The following RTN4IP1 variants were observed in gnomAD, a reference collection of about 807,000 sequenced individuals.
RTN4IP1 encodes NAD(P)H oxidoreductase RTN4IP1, mitochondrial.
RTN4IP1 carries 32 observed loss-of-function variants against 46.6 expected under a neutral mutation model. That is an observed-to-expected ratio of 0.69 (90% CI 0.52 to 0.92). The LOEUF (loss-of-function observed/expected upper bound fraction) is 0.92. Among genes scored for constraint, RTN4IP1 ranks in the 40% least tolerant of loss-of-function variants. The probability of loss-of-function intolerance (pLI) is 0.00; values close to 1 mark genes in which losing one functional copy is unlikely to be tolerated. For missense variants in RTN4IP1, 424 were observed against 485.8 expected (o/e 0.87, Z 1.20); for synonymous variants, 167 against 161.8 (o/e 1.03, Z -0.24).
At position 106,626,238 on chromosome 6, in the gene RTN4IP1, T is replaced by C. The variant is rs77203774; in HGVS notation, c.274+2510A>G. 5.7e-3 allele frequency among the ~76,000 whole-genome samples: 862 copies of C among 151,846 alleles called. 5 individuals are homozygous for C. Among genetic ancestry groups the C allele is most frequent in the African/African-American group, 0.02 (812 of 41,372 alleles). On this transcript the variant is annotated intron_variant, in intron 1 of 8. Transcript: ENST00000369063. Reference sequence around the variant, plus strand: ...GTTACTAATAAAAAATCAAGACACATGGGATAAAGTGTTTGAAAGGTGGGA... The same window carrying C: ...GTTACTAATAAAAAATCAAGACACACGGGATAAAGTGTTTGAAAGGTGGGA...
At chr6:106,592,526 T>G (rs934283709) in intron 5 of RTN4IP1, among the ~76,000 whole-genome samples, 1 of 152,200 alleles carries the variant, frequency 6.6e-6, no homozygotes, top group South Asian at 2.1e-4. Context: ...AGATCTCATT[T>G]TCCCTACATG....
chr6:106,579,168 G>A (rs1246011117), intron 8 of RTN4IP1, among the ~76,000 whole-genome samples: 1 of 151,780 alleles, frequency 6.6e-6, no homozygotes, highest in East Asian at 1.9e-4. Flanking sequence ...CCCAGGAGAT[G>A]GAGGTTGCAG....
chr6:106,591,819 A>T (rs1367642306), intron 6 of RTN4IP1, among the ~76,000 whole-genome samples: 1 of 152,166 alleles, frequency 6.6e-6, no homozygotes, highest in African/African-American at 2.4e-5. Flanking sequence ...CATGTATTTC[A>T]TGAACTACTC....
chr6:106,617,316 A>C (rs542921922), intron 4 of RTN4IP1, among the ~76,000 whole-genome samples: 2 of 152,372 alleles, frequency 1.3e-5, no homozygotes, highest in African/African-American at 4.8e-5. Flanking sequence ...GCAGAAGTCC[A>C]TGATGTGAAT....
intron 4 of RTN4IP1, 131 bp downstream of exon 4, chr6:106,619,071 G>T: frequency 9.9e-7 from 1 of 1,011,394 alleles, no homozygotes; most frequent in South Asian, 1.7e-5. Flanking sequence ...TTTGGAAATT[G>T]TTTTCAAATG....
intron 1 of RTN4IP1, among the ~76,000 whole-genome samples, chr6:106,628,527 C>T (rs1405330962): frequency 6.6e-6 from 1 of 151,576 alleles, no homozygotes; most frequent in African/African-American, 2.4e-5. Flanking sequence ...TATTTAAGGA[C>T]GCATGAAAAC....
upstream of RTN4IP1, chr6:106,629,569 G>A (rs960404207): frequency 2.8e-5 from 37 of 1,342,966 alleles, no homozygotes; most frequent in Admixed American, 2.0e-4. Context: ...ACTCGGTGTT[G>A]AAGGGCTCAG....
rs1242910026 is a variant in RTN4IP1 at position 106,571,864 on chromosome 6, T to A, written c.*132A>T. On this transcript the variant is annotated 3_prime_UTR_variant, in exon 9 of 9. Transcript: ENST00000369063. ...TTACTGGCCAAAATGGTGTGTTTAT[T>A]TTTTAAAGCTTGTATCATGGAATGT... 1.3e-5 allele frequency: 8 copies of A among 594,344 alleles called. No individual in the cohort carries two copies. Among genetic ancestry groups the A allele is most frequent in the Non-Finnish European group, 2.1e-5 (7 of 334,982 alleles). 36.8% of individuals were successfully genotyped at this position (594,344 alleles called of 1,614,324 possible).
In RTN4IP1 at chr6:106,571,239, A is replaced by G. The variant is rs896888931; in HGVS notation, c.*757T>C. ...GCAGATTTTTATATATGACACTAAG[A>G]GATTTAGAACTTTAAGAGCTGTGGT... On this transcript the variant is annotated 3_prime_UTR_variant, in exon 9 of 9. Transcript: ENST00000369063. 4 of 152,236 alleles carry G rather than the reference A, an allele frequency of 2.6e-5. No homozygotes were observed. The highest frequency in any genetic ancestry group is 9.6e-5 in the African/African-American group (4 of 41,456). The allele number at this position is 152,236 out of a possible 1,614,324, so 9.4% of individuals were successfully genotyped here. A position where few individuals can be genotyped will look rare whatever the true frequency, so the allele number is the denominator to read the frequency against.
chr6:106,591,543 T>C (rs761908880), intron 6 of RTN4IP1, among the ~76,000 whole-genome samples: 2 of 152,180 alleles, frequency 1.3e-5, no homozygotes, highest in African/African-American at 2.4e-5. Flanking sequence ...AAAATAGCTT[T>C]CCAAATACTC....
chr6:106,608,494 T>C (rs75109552), intron 4 of RTN4IP1, among the ~76,000 whole-genome samples: 3,226 of 152,336 alleles, frequency 0.021, 124 homozygotes, highest in African/African-American at 0.074. Flanking sequence ...ATTTTTAATG[T>C]TCCCAACACA....
At chr6:106,629,636 T>C (rs1251192432), upstream of RTN4IP1, 2 of 1,581,362 alleles carry the variant, frequency 1.3e-6, no homozygotes, top group East Asian at 2.3e-5. Flanking sequence ...TGACCTCTTT[T>C]TCCCCCTTGC....
intron 3 of RTN4IP1, among the ~76,000 whole-genome samples, chr6:106,620,578 T>C (rs1202336975): frequency 6.6e-6 from 1 of 152,170 alleles, no homozygotes; most frequent in Non-Finnish European, 1.5e-5. Context: ...TATAAAATCA[T>C]TCCAGTTCAT....
intron 4 of RTN4IP1, 69 bp from the exon 5 acceptor site, chr6:106,602,991 A>C: frequency 8.7e-7 from 1 of 1,153,210 alleles, no homozygotes; most frequent in Non-Finnish European, 1.2e-6. Context: ...CGTTTTCAAC[A>C]AATAACTGGT....
intron 3 of RTN4IP1, among the ~76,000 whole-genome samples, chr6:106,619,935 T>C (rs1776446158): frequency 6.6e-6 from 1 of 152,030 alleles, no homozygotes; most frequent in Non-Finnish European, 1.5e-5. Flanking sequence ...TAACATTTTT[T>C]CTAGCTTCCT....
chr6:106,618,434 ACAC>A (rs1304031781), intron 4 of RTN4IP1, among the ~76,000 whole-genome samples: 1 of 152,222 alleles, frequency 6.6e-6, no homozygotes, highest in Admixed American at 6.5e-5. Flanking sequence ...AATACAAGGA[ACAC>A]CACAACCTCC....
chr6:106,576,379 A>G (rs574356519), intron 8 of RTN4IP1, among the ~76,000 whole-genome samples: 2 of 152,294 alleles, frequency 1.3e-5, no homozygotes, highest in South Asian at 4.1e-4. Context: ...GAGAAACCCC[A>G]TATAAATTTC....
In RTN4IP1 at chr6:106,622,922, C is replaced by A; in HGVS notation, c.322G>T (p.Val108Leu). 3 of 1,614,068 alleles carry A rather than the reference C, an allele frequency of 1.9e-6. No homozygotes were observed. Among genetic ancestry groups the A allele is most frequent in the Non-Finnish European group, 2.5e-6 (3 of 1,179,966 alleles). ...ALNMKRDPLH[V>L]KIKGEEFPLT... is the part of the protein sequence containing the mutation. The stretch of plus-strand genomic sequence containing the variant: ...GGAAATTCTTCTCCTTTGATTTTCA[C>A]GTGTAAAGGATCACGCTTCATATTT... Residue 108 changes from valine to leucine, a missense_variant, in exon 2 of 9, where the codon GTG (valine) becomes TTG (leucine). By Grantham distance (32) the Val-to-Leu change is conservative. Coordinates refer to ENST00000369063, the MANE Select transcript of RTN4IP1 (RefSeq NM_032730.5).
At chr6:106,610,635 T>C (rs1188944600) in intron 4 of RTN4IP1, among the ~76,000 whole-genome samples, 1 of 152,116 alleles carries the variant, frequency 6.6e-6, no homozygotes, top group Non-Finnish European at 1.5e-5. Flanking sequence ...GCTGTATTTG[T>C]TGGTTTATAT....
Sources: allele counts gnomAD v4.1 joint callset (sites outside exome capture counted in the v4.1 genomes callset), GRCh38; gene constraint gnomAD v4.1.1; transcripts MANE v1.5; gene names NCBI Gene and HGNC (gene_info 2026-07-23, HGNC 2026-07-21).